TBC1D9: variants seen among roughly 807,000 people sequenced by gnomAD.
TBC1D9 encodes the protein TBC1 domain family member 9A.
A neutral mutation model predicts 132.0 loss-of-function variants in TBC1D9; 63 were observed. The ratio of observed to expected loss-of-function variants is 0.48; its 90% CI spans 0.39 to 0.59. The LOEUF (loss-of-function observed/expected upper bound fraction) is 0.59. Among genes scored for constraint, TBC1D9 ranks in the 20% least tolerant of loss-of-function variants. TBC1D9 has a pLI of 0.00. For synonymous variants in TBC1D9, 610 were observed against 609.9 expected (o/e 1.00, Z 0.00); for missense variants, 1,261 against 1,592.7 (o/e 0.79, Z 3.54).
At chr4:140,717,524 T>C (rs2111054913) in intron 1 of TBC1D9, among the ~76,000 whole-genome samples, 1 of 152,322 alleles carries the variant, frequency 6.6e-6, no homozygotes, top group African/African-American at 2.4e-5. Flanking sequence ...TTTATGACTA[T>C]CAAATTAATT....
chr4:140,708,120 C>T (rs929660583), intron 1 of TBC1D9, among the ~76,000 whole-genome samples: 2 of 152,130 alleles, frequency 1.3e-5, no homozygotes, highest in African/African-American at 2.4e-5. Flanking sequence ...ACAAAATTCT[C>T]AATTTGATGA....
At chr4:140,669,150 C>T in intron 8 of TBC1D9, 83 bp from the exon 9 acceptor site, 2 of 1,341,114 alleles carry the variant, frequency 1.5e-6, no homozygotes, top group Non-Finnish European at 2.1e-6. Context: ...AGAACATGTT[C>T]CCTGCTGAAC....
At chr4:140,719,570 C>G (rs1253301347) in intron 1 of TBC1D9, among the ~76,000 whole-genome samples, 1 of 152,046 alleles carries the variant, frequency 6.6e-6, no homozygotes, top group Non-Finnish European at 1.5e-5. Context: ...TGGCCTTAGT[C>G]CTGGAGGCAT....
intron 3 of TBC1D9, among the ~76,000 whole-genome samples, chr4:140,686,003 A>C (rs1737773109): frequency 6.6e-6 from 1 of 152,242 alleles, no homozygotes; most frequent in Admixed American, 6.5e-5. Flanking sequence ...ACCAACACAT[A>C]GAAATAATAA....
rs564931290 is a variant in TBC1D9, at chr4:140,672,158, T to A, written c.1060-1232A>T. 7.3e-5 allele frequency among the ~76,000 whole-genome samples: 11 copies of A among 151,652 alleles called. No homozygotes were observed. The South Asian group carries it at 1.7e-3, about 23-fold the overall frequency. ...ATCTGACTGCTGTTTTCAGAATATA[T>A]GTGTTAGAGTATATATGATTCTTTT... On this transcript the variant is annotated intron_variant, in intron 6 of 20. Coordinates refer to ENST00000442267, the MANE Select transcript of TBC1D9 (RefSeq NM_015130.3).
chr4:140,634,683 T>C (rs2110971760), intron 15 of TBC1D9, among the ~76,000 whole-genome samples: 1 of 152,218 alleles, frequency 6.6e-6, no homozygotes, highest in Non-Finnish European at 1.5e-5. Flanking sequence ...CATGATGAGA[T>C]TTTGTGTTTC....
intron 1 of TBC1D9, among the ~76,000 whole-genome samples, chr4:140,724,406 A>G (rs79947607): frequency 1.4e-3 from 207 of 152,334 alleles, no homozygotes; most frequent in Non-Finnish European, 1.9e-3. Context: ...CCAGCCTCAC[A>G]TAACTATGAT....
intron 1 of TBC1D9, among the ~76,000 whole-genome samples, chr4:140,729,308 G>A (rs2111065808): frequency 6.6e-6 from 1 of 152,188 alleles, no homozygotes; most frequent in African/African-American, 2.4e-5. Flanking sequence ...GATATGCATA[G>A]TTTGAACAAA....
At chr4:140,745,292 G>C (rs1738820716) in intron 1 of TBC1D9, among the ~76,000 whole-genome samples, 1 of 152,200 alleles carries the variant, frequency 6.6e-6, no homozygotes, top group South Asian at 2.1e-4. Flanking sequence ...TACAGAGTTT[G>C]ATTCTTTTCA....
chr4:140,703,811 A>G (rs1002502030), intron 1 of TBC1D9, among the ~76,000 whole-genome samples: 9 of 152,208 alleles, frequency 5.9e-5, no homozygotes. Flanking sequence ...TACAGCCTGC[A>G]AAGTCTTCCA....
Position 140,622,527 on chromosome 4 carries a change from T to A in TBC1D9, c.3469A>T (p.Lys1157Ter). Residue 1157 changes from lysine to a stop codon, truncating the protein, a stop_gained, in exon 21 of 21, where the codon AAG becomes TAG. Coordinates refer to ENST00000442267, the MANE Select transcript of TBC1D9 (RefSeq NM_015130.3). LOFTEE classifies it high-confidence loss of function. ...TATGAGGACATGGAGCTGTCGTCCTTGGTGTCGTCGTCAGAGATCAGCATG... is the reference window on the plus strand; with the variant it reads ...TATGAGGACATGGAGCTGTCGTCCTAGGTGTCGTCGTCAGAGATCAGCATG... ...SSMLISDDDT[K>*]DDSSMSSYSV... 6.2e-7 allele frequency: 1 copy of A among 1,614,024 alleles called. No homozygotes were observed. The highest frequency in any genetic ancestry group is 8.5e-7 in the Non-Finnish European group (1 of 1,179,896).
intron 1 of TBC1D9, among the ~76,000 whole-genome samples, chr4:140,750,803 C>T (rs1738912617): frequency 6.6e-6 from 1 of 152,012 alleles, no homozygotes; most frequent in Admixed American, 6.6e-5. Flanking sequence ...TTTGGTGAGA[C>T]TTTGCAAGCT....
chr4:140,731,880 A>T (rs896386469), intron 1 of TBC1D9, among the ~76,000 whole-genome samples: 1 of 152,202 alleles, frequency 6.6e-6, no homozygotes, highest in African/African-American at 2.4e-5. Context: ...CCATAAAAGA[A>T]AATGTGCCTT....
intron 13 of TBC1D9, among the ~76,000 whole-genome samples, chr4:140,654,958 T>C (rs1372778059): frequency 6.6e-6 from 1 of 152,126 alleles, no homozygotes; most frequent in African/African-American, 2.4e-5. Context: ...GAAGTAAATG[T>C]CTAACAAAAG....
intron 1 of TBC1D9, among the ~76,000 whole-genome samples, chr4:140,709,151 C>A (rs1437825253): frequency 6.6e-6 from 1 of 151,790 alleles, no homozygotes; most frequent in Non-Finnish European, 1.5e-5. Flanking sequence ...TAACCCCATT[C>A]TAGCTGCCCC....
At chr4:140,643,173 A>G in intron 13 of TBC1D9, 4 of 1,439,182 alleles carry the variant, frequency 2.8e-6, no homozygotes, top group Non-Finnish European at 3.8e-6. Context: ...GCCGGCTGCC[A>G]GCAGGCTCTC....
intron 1 of TBC1D9, among the ~76,000 whole-genome samples, chr4:140,723,096 G>C (rs1738448120): frequency 6.6e-6 from 1 of 152,190 alleles, no homozygotes; most frequent in Non-Finnish European, 1.5e-5. Flanking sequence ...TACTGTGTCT[G>C]AGTGATTATG....
intron 2 of TBC1D9, among the ~76,000 whole-genome samples, chr4:140,687,343 C>CTTATAT (rs1491570009): frequency 2.6e-5 from 1 of 37,872 alleles, no homozygotes; most frequent in African/African-American, 6.5e-5. Flanking sequence ...GTGTGTGTGT[C>CTTATAT]ATATATATAT....
chr4:140,632,884 T>G (rs1659954735), intron 16 of TBC1D9, among the ~76,000 whole-genome samples: 1 of 152,236 alleles, frequency 6.6e-6, no homozygotes, highest in Admixed American at 6.5e-5. Flanking sequence ...ACCTAAGAGC[T>G]GTTGTTTAGA....
Sources: allele counts gnomAD v4.1 joint callset (sites outside exome capture counted in the v4.1 genomes callset), GRCh38; gene constraint gnomAD v4.1.1; transcripts MANE v1.5; gene names NCBI Gene and HGNC (gene_info 2026-07-23, HGNC 2026-07-21).